The following IGDCC4 variants were observed in gnomAD, a reference collection of about 807,000 sequenced individuals.
IGDCC4 encodes the protein likely ortholog of mouse neighbor of Punc E11.
IGDCC4 carries 72 observed loss-of-function variants against 116.6 expected under a neutral mutation model. That is an observed-to-expected ratio of 0.62 (90% CI 0.51 to 0.75). IGDCC4 has a LOEUF of 0.75. Among genes scored for constraint, IGDCC4 ranks in the 30% least tolerant of loss-of-function variants. The pLI is 0.00. For synonymous variants in IGDCC4, 709 were observed against 719.9 expected (o/e 0.98, Z 0.24); for missense variants, 1,501 against 1,662.4 (o/e 0.90, Z 1.69).
Position 65,391,824 on chromosome 15 carries a change from C to T in IGDCC4, c.2224+56G>A, listed in dbSNP as rs191473027. 465 of 1,483,466 alleles carry T rather than the reference C, an allele frequency of 3.1e-4. No homozygotes were observed. The African/African-American group carries it at 5.3e-3, about 17-fold the overall frequency. The allele number at this position is 1,483,466 out of a possible 1,614,324, so 91.9% of individuals were successfully genotyped here. ...TGGCCCAAAGGAAAAGAAGAGGAAGCGGCTAGCAGAGCCCTCACCTGAGCC... is the reference window on the plus strand; with the variant it reads ...TGGCCCAAAGGAAAAGAAGAGGAAGTGGCTAGCAGAGCCCTCACCTGAGCC... On this transcript the variant is annotated intron_variant, in intron 12 of 19. Coordinates refer to ENST00000352385, the MANE Select transcript of IGDCC4 (RefSeq NM_020962.3).
At chr15:65,402,844 G>A (rs1028374001) in intron 3 of IGDCC4, among the ~76,000 whole-genome samples, 2 of 152,180 alleles carry the variant, frequency 1.3e-5, no homozygotes, top group African/African-American at 2.4e-5. Context: ...TCCAGCCTGG[G>A]CGACAACAGC....
In IGDCC4 at chr15:65,385,749, T is replaced by A. The variant is rs904330702; in HGVS notation, c.3180+82A>T. On this transcript the variant is annotated intron_variant, in intron 18 of 19. Coordinates refer to ENST00000352385, the MANE Select transcript of IGDCC4 (RefSeq NM_020962.3). ...CGGCTCCGAAGAGGAGGTAGAGCCATGCTCGCATAGCCACGCGTTGTGCTC... is the reference window on the plus strand; with the variant it reads ...CGGCTCCGAAGAGGAGGTAGAGCCAAGCTCGCATAGCCACGCGTTGTGCTC... 3 of 1,148,812 alleles carry A rather than the reference T, an allele frequency of 2.6e-6. No individual in the cohort carries two copies. In the African/African-American group the frequency reaches 4.6e-5, roughly 17 times the overall value. The allele number at this position is 1,148,812 out of a possible 1,614,324, so 71.2% of individuals were successfully genotyped here. A position where few individuals can be genotyped will look rare whatever the true frequency, so the allele number is the denominator to read the frequency against.
At position 65,394,502 on chromosome 15, in the gene IGDCC4, C is replaced by G. The variant is rs536941274; in HGVS notation, c.1623G>C (p.Ser541=). ...GGGGCAGCCACGCCACCCTGATGTC[C>G]GAAGGGTTGGGGCTGGACAGGGAGA... The part of the protein sequence containing the change: ...PQLSLSSPNP[S]DIRVAWLPLP... The change falls in exon 9 of 20, where the codon TCG becomes TCC. Residue 541 remains serine, a synonymous_variant. Transcript: ENST00000352385. The G allele has an allele frequency of 6.2e-7, 1 of 1,613,020 alleles. No homozygotes were observed.
At chr15:65,410,633 G>T (rs997575412) in intron 2 of IGDCC4, 45 of 480,984 alleles carry the variant, frequency 9.4e-5, no homozygotes, top group Middle Eastern at 5.9e-4. Flanking sequence ...CCCCCTAAGG[G>T]GTAAGGCTGG....
At chr15:65,396,428 C>G in intron 6 of IGDCC4, 1 of 641,398 alleles carries the variant, frequency 1.6e-6, no homozygotes, top group Non-Finnish European at 2.8e-6. Flanking sequence ...CTAAATATTG[C>G]TCCTCCCGGA....
At chr15:65,396,216 G>GCCCCCCCCCCCCCCCCCCCCCCCC in intron 6 of IGDCC4, 53 bp from the exon 7 acceptor site, 1 of 1,188,160 alleles carries the variant, frequency 8.4e-7, no homozygotes. Flanking sequence ...TAAGGTCTCT[G>GCCCCCCCCCCCCCCCCCCCCCCCC]CCCCCCCCCC....
At chr15:65,385,322 G>A in intron 18 of IGDCC4, 1 of 590,848 alleles carries the variant, frequency 1.7e-6, no homozygotes, top group East Asian at 3.0e-5. Flanking sequence ...TCCTGCAGAG[G>A]AGCGGAACAC....
Position 65,393,301 on chromosome 15 carries a change from G to C in IGDCC4, c.1885+60C>G, listed in dbSNP as rs1286193090. 30 of 1,499,136 alleles carry C rather than the reference G, an allele frequency of 2.0e-5. No homozygotes were observed. Among genetic ancestry groups the C allele is most frequent in the Non-Finnish European group, 2.5e-5 (28 of 1,118,396 alleles). The allele number at this position is 1,499,136 out of a possible 1,614,324, so 92.9% of individuals were successfully genotyped here. On this transcript the variant is annotated intron_variant, in intron 10 of 19. Coordinates refer to ENST00000352385, the MANE Select transcript of IGDCC4 (RefSeq NM_020962.3). This position sits in a 1 kb window ranked among gnomAD's most constrained non-coding sequence, Gnocchi z 4.6. ...AGGGGGTGGGGCGCTGGGTCCCAAG[G>C]ACACACGCACACCCACACAGTCACA... is the stretch of plus-strand genomic sequence containing the variant.
intron 9 of IGDCC4, among the ~76,000 whole-genome samples, chr15:65,394,195 G>A (rs889163732): frequency 1.3e-5 from 2 of 152,080 alleles, no homozygotes; most frequent in African/African-American, 4.8e-5. Context: ...AGGGGTTGGG[G>A]TGAGAGCCCA....
rs1418145320 is a variant in IGDCC4 at position 65,396,163 on chromosome 15, G to T, written c.998C>A (p.Ala333Glu). ...ATAAAELRVLAAPAITQAPEA... is the reference protein window; with the variant it reads ...ATAAAELRVLEAPAITQAPEA... ...GGGCGCCTGAGTGATGGCGGGAGCC[G>T]CTAGGGGCGCGAGGGGCGACGCTGA... Residue 333 changes from alanine (A) to glutamate (E), a missense_variant and splice_region_variant, in exon 7 of 20, where the codon GCG (alanine) becomes GAG (glutamate). Ala to Glu is a moderately radical substitution (Grantham distance 107). Coordinates refer to ENST00000352385, the MANE Select transcript of IGDCC4 (RefSeq NM_020962.3). 3 of 1,492,476 alleles carry T rather than the reference G, an allele frequency of 2.0e-6. No individual in the cohort carries two copies. The highest frequency in any genetic ancestry group is 1.4e-5 in the African/African-American group (1 of 70,170). The allele number at this position is 1,492,476 out of a possible 1,614,324, so 92.5% of individuals were successfully genotyped here. A position where few individuals can be genotyped will look rare whatever the true frequency, so the allele number is the denominator to read the frequency against.
At chr15:65,405,858 C>A (rs1380752016) in intron 3 of IGDCC4, among the ~76,000 whole-genome samples, 1 of 152,172 alleles carries the variant, frequency 6.6e-6, no homozygotes, top group African/African-American at 2.4e-5. Context: ...TTTTTCCAGC[C>A]TCAAACCTGA....
At chr15:65,410,814 T>G in intron 2 of IGDCC4, 2 of 571,730 alleles carry the variant, frequency 3.5e-6, no homozygotes, top group Non-Finnish European at 3.1e-6. Flanking sequence ...AACAGGGGAG[T>G]GGAGAAGAAG....
chr15:65,406,059 G>A (rs767710564), intron 3 of IGDCC4, among the ~76,000 whole-genome samples: 1 of 152,226 alleles, frequency 6.6e-6, no homozygotes, highest in Non-Finnish European at 1.5e-5. Flanking sequence ...CACTGGGAGA[G>A]GGTAGGGCCG....
chr15:65,399,192 C>T (rs559555454), intron 5 of IGDCC4, among the ~76,000 whole-genome samples: 3 of 152,188 alleles, frequency 2.0e-5, no homozygotes, highest in East Asian at 3.9e-4. Flanking sequence ...GTTGGAGCAC[C>T]GGGCGCAGTG....
chr15:65,393,535 C>A lies in IGDCC4; in HGVS notation c.1715-4G>T, dbSNP rs759839640. 3.8e-6 allele frequency: 6 copies of A among 1,588,618 alleles called. No homozygotes were observed. The highest frequency in any genetic ancestry group is 5.2e-6 in the Non-Finnish European group (6 of 1,163,872). On this transcript the variant is annotated splice_region_variant and splice_polypyrimidine_tract_variant and intron_variant, in intron 9 of 19. Transcript: ENST00000352385. This position sits in a 1 kb window ranked among gnomAD's most constrained non-coding sequence, Gnocchi z 4.6. ...ACCTCAGTAGAGAAAATCTGATCTG[C>A]AGGGACAGAAAAGGTGGGCTGCTGG...
At chr15:65,408,994 G>T (rs532098009) in intron 3 of IGDCC4, among the ~76,000 whole-genome samples, 21 of 151,954 alleles carry the variant, frequency 1.4e-4, no homozygotes, top group African/African-American at 4.6e-4. Context: ...CTGCCACACT[G>T]GGCTAATTTT....
chr15:65,401,569 C>G (rs2062986490), intron 4 of IGDCC4, among the ~76,000 whole-genome samples: 1 of 150,682 alleles, frequency 6.6e-6, no homozygotes, highest in African/African-American at 2.4e-5. Flanking sequence ...CAGCTAAGCC[C>G]AGAAGGAACA....
Position 65,383,747 on chromosome 15 carries a change from G to C in IGDCC4, c.*262C>G. 1 of 385,252 alleles carries C rather than the reference G, an allele frequency of 2.6e-6. No individual in the cohort carries two copies. The highest frequency in any genetic ancestry group is 4.0e-5 in the East Asian group (1 of 24,988). 23.9% of individuals were successfully genotyped at this position (385,252 alleles called of 1,614,324 possible). A position where few individuals can be genotyped will look rare whatever the true frequency, so the allele number is the denominator to read the frequency against. ...CCACGGTTTCCCAGCTCAACAACCA[G>C]TACGCATACATGCACTTCACACATG... On this transcript the variant is annotated 3_prime_UTR_variant, in exon 20 of 20. Transcript: ENST00000352385.
In IGDCC4 at chr15:65,400,867, A is replaced by T; in HGVS notation, c.780T>A (p.Ser260Arg). 1 of 1,612,606 alleles carries T rather than the reference A, an allele frequency of 6.2e-7. No individual in the cohort carries two copies. The highest frequency in any genetic ancestry group is 8.5e-7 in the Non-Finnish European group (1 of 1,179,506). Residue 260 changes from serine (S) to arginine (R), a missense_variant, in exon 5 of 20, where the codon AGT becomes AGA. Transcript: ENST00000352385. ...PENTTVVSGQ[S>R]VVMECVASAD... is the part of the protein sequence containing the mutation. Reference sequence around the variant, plus strand: ...CTGAGGCCACACATTCCATCACCACACTCTGGCCAGACACCACTGTGGTGT... The same window carrying T: ...CTGAGGCCACACATTCCATCACCACTCTCTGGCCAGACACCACTGTGGTGT...
Sources: allele counts gnomAD v4.1 joint callset (sites outside exome capture counted in the v4.1 genomes callset), GRCh38; gene constraint gnomAD v4.1.1; non-coding constraint Gnocchi (gnomAD v3.1); transcripts MANE v1.5; gene names NCBI Gene and HGNC (gene_info 2026-07-23, HGNC 2026-07-21).